The following GPC1 variants were observed in gnomAD, a reference collection of about 807,000 sequenced individuals.
GPC1 encodes glypican-1.
Under a neutral mutation model 51.5 loss-of-function variants are expected in GPC1, and 26 were observed. That is an observed-to-expected ratio of 0.50 (90% confidence interval 0.37 to 0.70). GPC1 has a LOEUF of 0.70. Among genes scored for constraint, GPC1 ranks in the 30% least tolerant of loss-of-function variants. The pLI, the probability that GPC1 is intolerant of heterozygous loss-of-function variation, is 0.00. For missense variants in GPC1, 775 were observed against 800.5 expected (o/e 0.97, Z 0.38); for synonymous variants, 380 against 348.3 (o/e 1.09, Z -1.01).
At chr2:240,443,605 A>G (rs2074031516) in intron 1 of GPC1, among the ~76,000 whole-genome samples, 1 of 152,204 alleles carries the variant, frequency 6.6e-6, no homozygotes, top group Non-Finnish European at 1.5e-5. Flanking sequence ...GGCGACTCGG[A>G]AGCAGAAACC....
intron 1 of GPC1, chr2:240,450,467 G>T (rs1047736933): frequency 2.5e-6 from 1 of 406,448 alleles, no homozygotes; most frequent in Non-Finnish European, 5.2e-6. Flanking sequence ...GGTCACTTTA[G>T]CTCTCTATGT....
rs555228658 is a variant in GPC1, at chr2:240,463,329, G to A, written c.718-18G>A. The A allele has an allele frequency of 5.0e-6, 8 of 1,611,086 alleles. No individual in the cohort carries two copies. The East Asian group carries it at 8.9e-5, about 18-fold the overall frequency. ...CCCCAGGGCCTCGGGGCCTGGCTTA[G>A]GGTCCCTTGCTCCCCAGGTCCCCCT... On this transcript the variant is annotated intron_variant, in intron 3 of 8. Transcript: ENST00000264039.
intron 4 of GPC1, 124 bp from the exon 5 acceptor site, chr2:240,464,492 C>G (rs1009363784): frequency 7.6e-7 from 1 of 1,321,326 alleles, no homozygotes; most frequent in Admixed American, 1.7e-5. Context: ...CGTGGGATCT[C>G]CCATGCTGAC....
chr2:240,459,003 C>T (rs759095264), intron 1 of GPC1, 27 bp from the exon 2 acceptor site: 26 of 1,607,080 alleles, frequency 1.6e-5, no homozygotes, highest in Non-Finnish European at 9.4e-6. Flanking sequence ...CCCAGCCCCT[C>T]TCCCTCACAC....
intron 1 of GPC1, among the ~76,000 whole-genome samples, chr2:240,454,162 G>A (rs1287674204): frequency 6.6e-6 from 1 of 152,208 alleles, no homozygotes; most frequent in East Asian, 1.9e-4. Context: ...GAGCTGAGAT[G>A]CCGTGGCCGG....
intron 1 of GPC1, among the ~76,000 whole-genome samples, chr2:240,443,942 C>T (rs865785194): frequency 2.0e-5 from 3 of 152,256 alleles, no homozygotes; most frequent in African/African-American, 2.4e-5. Context: ...ACTTGCTTGC[C>T]GAGTGACTCA....
rs375072222 is a variant in GPC1, at chr2:240,466,653, C to T, written c.*363C>T. The T allele has an allele frequency of 5.9e-4, 128 of 217,590 alleles. No individual in the cohort carries two copies. Among genetic ancestry groups the T allele is most frequent in the African/African-American group, 2.8e-3 (125 of 43,878 alleles). 13.5% of individuals were successfully genotyped at this position (217,590 alleles called of 1,614,324 possible). On this transcript the variant is annotated 3_prime_UTR_variant, in exon 9 of 9. Transcript: ENST00000264039. ...CAAAGCAACCCGCTGGAGCCCACAGCGAGCCTGTGCCTTCCTCCCCGCCTC... is the reference window on the plus strand; with the variant it reads ...CAAAGCAACCCGCTGGAGCCCACAGTGAGCCTGTGCCTTCCTCCCCGCCTC...
At chr2:240,459,473 G>A (rs929074923) in intron 2 of GPC1, among the ~76,000 whole-genome samples, 4 of 152,186 alleles carry the variant, frequency 2.6e-5, no homozygotes, top group Admixed American at 6.5e-5. Flanking sequence ...GCCCCTCAGA[G>A]GCTCCTGTCA....
chr2:240,436,126 C>G (rs2073982184), intron 1 of GPC1, 42 bp downstream of exon 1: 2 of 1,216,580 alleles, frequency 1.6e-6, no homozygotes, highest in African/African-American at 3.1e-5. Flanking sequence ...CCTGGCCGGG[C>G]TTTGGGCTCC....
Position 240,463,456 on chromosome 2 carries a change from T to C in GPC1, c.827T>C (p.Leu276Pro). 6.2e-7 allele frequency: 1 copy of C among 1,613,022 alleles called. No homozygotes were observed. Among genetic ancestry groups the C allele is most frequent in the Non-Finnish European group, 8.5e-7 (1 of 1,179,934 alleles). The change falls in exon 4 of 9, where the codon CTC (leucine) becomes CCC (proline). Residue 276 changes from leucine (L) to proline (P), a missense_variant. Coordinates refer to ENST00000264039, the MANE Select transcript of GPC1 (RefSeq NM_002081.3). ...RPCPDYCRNV[L>P]KGCLANQADL... ...TGCCCTGACTATTGCCGAAATGTGCTCAAGGGCTGCCTTGCCAACCAGGCC... is the reference window on the plus strand; with the variant it reads ...TGCCCTGACTATTGCCGAAATGTGCCCAAGGGCTGCCTTGCCAACCAGGCC...
At chr2:240,439,911 C>T (rs989257343) in intron 1 of GPC1, among the ~76,000 whole-genome samples, 3 of 152,328 alleles carry the variant, frequency 2.0e-5, no homozygotes, top group South Asian at 2.1e-4. Flanking sequence ...AGCCCTGATC[C>T]GACAGGGCCA....
At chr2:240,465,263 G>C (rs1457299965) in intron 7 of GPC1, 53 bp downstream of exon 7, 2 of 1,548,452 alleles carry the variant, frequency 1.3e-6, no homozygotes, top group Non-Finnish European at 1.7e-6. Context: ...CCTCCATTGG[G>C]CTGTGCCTGG....
chr2:240,463,349 C>T lies in GPC1; in HGVS notation c.720C>T (p.Val240=), dbSNP rs373103881. ...GCTTAGGGTCCCTTGCTCCCCAGGTCCCCCTGGGCCCGGAGTGCTCGAGAG... is the reference window on the plus strand; with the variant it reads ...GCTTAGGGTCCCTTGCTCCCCAGGTTCCCCTGGGCCCGGAGTGCTCGAGAG... The part of the protein sequence containing the change: ...ASDVVRKVAQ[V]PLGPECSRAV... The change falls in exon 4 of 9, where the codon GTC becomes GTT. Residue 240 remains valine (V), a splice_region_variant and synonymous_variant. Transcript: ENST00000264039. 2 of 1,612,138 alleles carry T rather than the reference C, an allele frequency of 1.2e-6. No homozygotes were observed. Among genetic ancestry groups the T allele is most frequent in the Admixed American group, 3.3e-5 (2 of 59,986 alleles).
chr2:240,466,342 CA>C lies in GPC1; in HGVS notation c.*54del. 9.9e-7 allele frequency: 1 copy of C among 1,013,806 alleles called. No homozygotes were observed. The highest frequency in any genetic ancestry group is 1.5e-6 in the Non-Finnish European group (1 of 646,932). 62.8% of individuals were successfully genotyped at this position (1,013,806 alleles called of 1,614,324 possible). A position where few individuals can be genotyped will look rare whatever the true frequency, so the allele number is the denominator to read the frequency against. On this transcript the variant is annotated 3_prime_UTR_variant, in exon 9 of 9. Transcript: ENST00000264039. The stretch of plus-strand genomic sequence containing the variant: ...CCAAGGACTGACTTTGCCAAAAATA[CA>C]ACACAGACGATATTTAATTCACCTC...
chr2:240,463,513 G>C lies in GPC1; in HGVS notation c.883+1G>C. 6.2e-7 allele frequency: 1 copy of C among 1,612,502 alleles called. No homozygotes were observed. Among genetic ancestry groups the C allele is most frequent in the Non-Finnish European group, 8.5e-7 (1 of 1,179,708 alleles). On this transcript the variant is annotated splice_donor_variant, in intron 4 of 8. Coordinates refer to ENST00000264039, the MANE Select transcript of GPC1 (RefSeq NM_002081.3). LOFTEE classifies it high-confidence loss of function. ...GACGCCGAGTGGAGGAACCTCCTGG[G>C]TGAGCCCCCACCCGCGAGAGCGGCC...
chr2:240,438,529 A>C (rs1332023834), intron 1 of GPC1, among the ~76,000 whole-genome samples: 6 of 152,156 alleles, frequency 3.9e-5, no homozygotes, highest in Non-Finnish European at 7.4e-5. Flanking sequence ...TCTCTCCTGC[A>C]TCCAGACTTC....
intron 1 of GPC1, chr2:240,450,031 T>A (rs1389544786): frequency 5.1e-6 from 2 of 395,918 alleles, no homozygotes; most frequent in Admixed American, 2.9e-5. Flanking sequence ...AGCTGTTCCT[T>A]TTCCTGCTTC....
chr2:240,446,195 G>A (rs1241353144), intron 1 of GPC1, among the ~76,000 whole-genome samples: 5 of 152,218 alleles, frequency 3.3e-5, no homozygotes, highest in Admixed American at 1.3e-4. Context: ...ACGGGGGAAC[G>A]TCGTGGGGAG....
At position 240,462,146 on chromosome 2, in the gene GPC1, G is replaced by A. The variant is rs367710610; in HGVS notation, c.326-45G>A. 2,133 of 1,502,946 alleles carry A rather than the reference G, an allele frequency of 1.4e-3. 4 individuals are homozygous for A. Among genetic ancestry groups the A allele is most frequent in the South Asian group, 1.9e-3 (142 of 75,960 alleles). The allele number at this position is 1,502,946 out of a possible 1,614,324, so 93.1% of individuals were successfully genotyped here. A position where few individuals can be genotyped will look rare whatever the true frequency, so the allele number is the denominator to read the frequency against. Reference sequence around the variant, plus strand: ...TCCCCTGCTCTGGTCCAGCTGCCACGGCGGGGGAAACATGGTCCCGATCAC... The same window carrying A: ...TCCCCTGCTCTGGTCCAGCTGCCACAGCGGGGGAAACATGGTCCCGATCAC... On this transcript the variant is annotated intron_variant, in intron 2 of 8. Transcript: ENST00000264039.
Sources: allele counts gnomAD v4.1 joint callset (sites outside exome capture counted in the v4.1 genomes callset), GRCh38; gene constraint gnomAD v4.1.1; transcripts MANE v1.5; gene names NCBI Gene and HGNC (gene_info 2026-07-23, HGNC 2026-07-21).